The following KLRF1 variants were observed in gnomAD, a reference collection of about 807,000 sequenced individuals.
KLRF1 encodes the protein killer cell lectin like receptor F1, also known as killer cell lectin-like receptor subfamily F member 1.
In KLRF1, 27 loss-of-function variants were observed where a neutral mutation model predicts 30.7. The ratio of observed to expected loss-of-function variants is 0.88; its 90% CI spans 0.65 to 1.21. The LOEUF is 1.21. Among genes scored for constraint, KLRF1 ranks in the 50% most tolerant of loss-of-function variants. The pLI, the probability that KLRF1 is intolerant of heterozygous loss-of-function variation, is 0.00. For missense variants in KLRF1, 246 were observed against 259.3 expected, an observed-to-expected ratio of 0.95 and a Z score of 0.35; for synonymous variants, 92 against 89.3, an observed-to-expected ratio of 1.03 and a Z score of -0.17.
At chr12:9,810,220 A>G in the KLRF1 span, among the ~76,000 whole-genome samples, 22,078 of 152,152 alleles carry the variant, frequency 0.15, 1,783 homozygotes, top group Non-Finnish European at 0.18. Flanking sequence ...ATGTGAATGC[A>G]TTTCTCATAC....
chr12:9,805,326 C>A, the KLRF1 span, among the ~76,000 whole-genome samples: 1 of 151,874 alleles, frequency 6.6e-6, no homozygotes, highest in Non-Finnish European at 1.5e-5. Flanking sequence ...TCTTGTGTGT[C>A]CCTTCTGTCT....
intron 5 of KLRF1, among the ~76,000 whole-genome samples, chr12:9,843,822 C>T (rs946486639): frequency 1.3e-5 from 2 of 152,078 alleles, no homozygotes; most frequent in African/African-American, 4.8e-5. Context: ...TGCACCTTTT[C>T]CAAGATTCTT....
chr12:9,802,053 A>C, the KLRF1 span, among the ~76,000 whole-genome samples: 1 of 152,056 alleles, frequency 6.6e-6, no homozygotes, highest in Non-Finnish European at 1.5e-5. Context: ...ACCTCAGGTC[A>C]ATATCCCTGA....
chr12:9,842,262 T>C (rs542734300), intron 4 of KLRF1, 59 bp from the exon 5 acceptor site: 2 of 1,587,390 alleles, frequency 1.3e-6, no homozygotes, highest in Non-Finnish European at 1.7e-6. Flanking sequence ...ATTTAAAATA[T>C]TCAGTGTGTC....
intron 2 of KLRF1, among the ~76,000 whole-genome samples, chr12:9,832,841 G>A (rs1443521721): frequency 2.6e-5 from 4 of 151,958 alleles, no homozygotes; most frequent in East Asian, 3.9e-4. Flanking sequence ...AATATTCACC[G>A]AGCAGCTACA....
chr12:9,801,576 A>G, the KLRF1 span, among the ~76,000 whole-genome samples: 1 of 151,900 alleles, frequency 6.6e-6, no homozygotes, highest in African/African-American at 2.4e-5. Flanking sequence ...TGTGGTTTTG[A>G]TTTGCATTTC....
At chr12:9,810,688 A>G in the KLRF1 span, among the ~76,000 whole-genome samples, 2 of 152,206 alleles carry the variant, frequency 1.3e-5, no homozygotes, top group Non-Finnish European at 2.9e-5. Flanking sequence ...ACATGCTAAC[A>G]AGCTTGCAAA....
intron 3 of KLRF1, among the ~76,000 whole-genome samples, chr12:9,836,814 T>G (rs776065676): frequency 1.4e-4 from 21 of 152,162 alleles, no homozygotes; most frequent in Admixed American, 6.6e-4. Flanking sequence ...TGTCTGTCAC[T>G]GTGTTGGGTA....
chr12:9,827,228 T>TA (rs528596533), upstream of KLRF1, among the ~76,000 whole-genome samples: 4 of 152,348 alleles, frequency 2.6e-5, no homozygotes, highest in South Asian at 8.3e-4. Context: ...AAAAGGGGCA[T>TA]AATTTCCATT....
chr12:9,836,634 A>T (rs1034996376), intron 3 of KLRF1, among the ~76,000 whole-genome samples: 2 of 152,022 alleles, frequency 1.3e-5, no homozygotes, highest in African/African-American at 4.8e-5. Context: ...TTTTTTTCTA[A>T]TCTACTAGTT....
intron 3 of KLRF1, among the ~76,000 whole-genome samples, chr12:9,833,658 C>T (rs1040698790): frequency 1.3e-5 from 2 of 152,070 alleles, no homozygotes; most frequent in African/African-American, 4.8e-5. Context: ...AGGCTCTGCC[C>T]TCCAGGAATT....
chr12:9,815,472 T>A, the KLRF1 span, among the ~76,000 whole-genome samples: 1 of 152,360 alleles, frequency 6.6e-6, no homozygotes, highest in Non-Finnish European at 1.5e-5. Flanking sequence ...GGATTTTTTG[T>A]GTGGTTGAGG....
chr12:9,815,027 G>A, the KLRF1 span, among the ~76,000 whole-genome samples: 3 of 152,130 alleles, frequency 2.0e-5, no homozygotes, highest in Non-Finnish European at 4.4e-5. Context: ...AATGCTTGAG[G>A]TGATGGATAT....
chr12:9,810,381 C>T, the KLRF1 span, among the ~76,000 whole-genome samples: 1 of 152,002 alleles, frequency 6.6e-6, no homozygotes, highest in Non-Finnish European at 1.5e-5. Flanking sequence ...TTTGTGTGTC[C>T]TTTGATAAAT....
chr12:9,805,191 C>A, the KLRF1 span, among the ~76,000 whole-genome samples: 1 of 151,896 alleles, frequency 6.6e-6, no homozygotes, highest in Admixed American at 6.6e-5. Context: ...TTAGACTGGG[C>A]AATTTATAAA....
the KLRF1 span, among the ~76,000 whole-genome samples, chr12:9,812,370 A>G: frequency 2.8e-4 from 5 of 17,760 alleles, no homozygotes; most frequent in Non-Finnish European, 4.0e-3. Context: ...GTCTCAGGAA[A>G]AAAAAAAAAA....
rs765408928 is a variant in KLRF1, at chr12:9,829,611, T to C, written c.85+1982T>C. ...TCTACAAACAATAGAGATAAAAAAATTAATCAGTCATGGTGGCACATGCCT... is the reference window on the plus strand; with the variant it reads ...TCTACAAACAATAGAGATAAAAAAACTAATCAGTCATGGTGGCACATGCCT... On this transcript the variant is annotated intron_variant, in intron 1 of 5. Coordinates refer to ENST00000617889, the MANE Select transcript of KLRF1 (RefSeq NM_016523.3). 3.9e-5 allele frequency among the ~76,000 whole-genome samples: 6 copies of C among 152,096 alleles called. No individual in the cohort carries two copies. The East Asian group carries it at 5.8e-4, about 15-fold the overall frequency.
At chr12:9,826,687 G>A (rs1182044058), upstream of KLRF1, among the ~76,000 whole-genome samples, 3 of 151,732 alleles carry the variant, frequency 2.0e-5, no homozygotes, top group Non-Finnish European at 4.4e-5. Context: ...ATACTATGCA[G>A]CTATAAAAAA....
intron 3 of KLRF1, among the ~76,000 whole-genome samples, chr12:9,834,096 G>T (rs904441055): frequency 6.6e-6 from 1 of 151,664 alleles, no homozygotes; most frequent in Non-Finnish European, 1.5e-5. Flanking sequence ...GTCACAAGGT[G>T]CTCAGTGGGG....
Sources: gnomAD v4.1 joint callset for allele counts (sites outside exome capture counted in the v4.1 genomes callset) on GRCh38, gnomAD v4.1.1 for gene constraint, MANE v1.5 for transcripts, NCBI Gene and HGNC (gene_info 2026-07-23, HGNC 2026-07-21) for gene names.